The following RFX4 variants were observed in gnomAD, a reference collection of about 807,000 sequenced individuals.
The protein encoded by RFX4 is transcription factor RFX4.
Under a neutral mutation model 95.0 loss-of-function variants are expected in RFX4, and 10 were observed. That is an observed-to-expected ratio of 0.11 (90% CI 0.06 to 0.18). The LOEUF is 0.18. RFX4 is among the 10% of genes least tolerant of loss of function. The pLI is 1.00. For missense variants in RFX4, 640 were observed against 922.0 expected (o/e 0.69, Z 3.96); for synonymous variants, 321 against 340.7 (o/e 0.94, Z 0.64).
chr12:106,752,100 G>A (rs2043018201), intron 17 of RFX4, among the ~76,000 whole-genome samples: 13 of 149,022 alleles, frequency 8.7e-5, no homozygotes, highest in South Asian at 2.2e-4. Flanking sequence ...AATCCATCTT[G>A]AATTGATTTT....
intron 15 of RFX4, among the ~76,000 whole-genome samples, chr12:106,737,140 C>A (rs2042722582): frequency 8.3e-6 from 1 of 121,084 alleles, no homozygotes; most frequent in African/African-American, 3.1e-5. Context: ...AGGACTGTTT[C>A]CAGAATAGAC....
intron 1 of RFX4, among the ~76,000 whole-genome samples, chr12:106,604,244 C>T (rs1185680984): frequency 6.6e-6 from 1 of 151,780 alleles, no homozygotes; most frequent in Non-Finnish European, 1.5e-5. Flanking sequence ...CCTCAGCCTC[C>T]TGCGTAGCTG....
intron 7 of RFX4, among the ~76,000 whole-genome samples, chr12:106,693,441 G>C (rs1000575542): frequency 1.3e-5 from 2 of 152,126 alleles, no homozygotes; most frequent in African/African-American, 4.8e-5. Flanking sequence ...GAAATTGACT[G>C]CTCATATAAA....
Position 106,720,675 on chromosome 12 carries a change from C to T in RFX4, c.1234-84C>T, listed in dbSNP as rs1459572278. ...GTGCTGGGATTACAGGCGTGAGCCA[C>T]TTCAACCGGCCTCATTTTTCAAAGA... is the stretch of plus-strand genomic sequence containing the variant. On this transcript the variant is annotated intron_variant, in intron 12 of 17. Coordinates refer to ENST00000392842, the MANE Select transcript of RFX4 (RefSeq NM_213594.3). This position sits in a 1 kb window ranked among gnomAD's most constrained non-coding sequence, Gnocchi z 4.2. 20 of 1,376,752 alleles carry T rather than the reference C, an allele frequency of 1.5e-5. No individual in the cohort carries two copies. In the East Asian group the frequency reaches 4.6e-4, roughly 32 times the overall value. The allele number at this position is 1,376,752 out of a possible 1,614,324, so 85.3% of individuals were successfully genotyped here. A position where few individuals can be genotyped will look rare whatever the true frequency, so the allele number is the denominator to read the frequency against.
At chr12:106,667,288 C>T (rs1353145172) in intron 4 of RFX4, among the ~76,000 whole-genome samples, 1 of 152,158 alleles carries the variant, frequency 6.6e-6, no homozygotes, top group South Asian at 2.1e-4. Flanking sequence ...TGGGTATTTC[C>T]CTTCTCCCAA....
In RFX4 at chr12:106,747,442, A is replaced by T; in HGVS notation, c.1639A>T (p.Met547Leu). The T allele has an allele frequency of 3.7e-6, 6 of 1,613,998 alleles. No individual in the cohort carries two copies. Among genetic ancestry groups the T allele is most frequent in the Non-Finnish European group, 5.1e-6 (6 of 1,179,884 alleles). Residue 547 changes from methionine (M) to leucine (L), a missense_variant, in exon 16 of 18, where the codon ATG becomes TTG. Coordinates refer to ENST00000392842, the MANE Select transcript of RFX4 (RefSeq NM_213594.3). ...GTCTTAATTTGTCTCTGCAGGAGCA[A>T]TGCAGTCTTACACGTGGTCTCTAAC... is the stretch of plus-strand genomic sequence containing the variant. ...EYTGLSTTGA[M>L]QSYTWSLTYT... is the part of the protein sequence containing the mutation.
At chr12:106,682,658 A>T (rs2041540660) in intron 5 of RFX4, 1 of 152,352 alleles carries the variant, frequency 6.6e-6, no homozygotes, top group African/African-American at 2.4e-5. Context: ...GAAACAGACA[A>T]AACAGAGAAT....
At chr12:106,735,404 G>C (rs898533961) in intron 15 of RFX4, among the ~76,000 whole-genome samples, 4 of 151,982 alleles carry the variant, frequency 2.6e-5, no homozygotes, top group African/African-American at 4.8e-5. Flanking sequence ...TAAAGACAAG[G>C]CTTTTTAGAC....
chr12:106,730,024 G>A (rs2042581836), intron 13 of RFX4, among the ~76,000 whole-genome samples: 1 of 152,164 alleles, frequency 6.6e-6, no homozygotes, highest in Non-Finnish European at 1.5e-5. Flanking sequence ...AGGATGTGAA[G>A]GAGGTGCAGG....
intron 2 of RFX4, among the ~76,000 whole-genome samples, chr12:106,625,467 A>G (rs1184236805): frequency 6.6e-6 from 1 of 152,214 alleles, no homozygotes; most frequent in Non-Finnish European, 1.5e-5. Context: ...TCCAATCTAA[A>G]CAATTGCATT....
Position 106,583,047 on chromosome 12 carries a change from A to AGTGTCCCCT in RFX4, c.-273_-265dup, listed in dbSNP as rs1219775744. ...TTGGCTTTGCCCGGCTGGATTACTG[A>AGTGTCCCCT]GTGTCCCCTTGCTCGCTCGCTTTTT... On this transcript the variant is annotated 5_prime_UTR_variant, in exon 1 of 18. Transcript: ENST00000392842. The AGTGTCCCCT allele has an allele frequency of 9.9e-6, 4 of 405,656 alleles. No individual in the cohort carries two copies. The highest frequency in any genetic ancestry group is 1.7e-5 in the Non-Finnish European group (4 of 230,948). 25.1% of individuals were successfully genotyped at this position (405,656 alleles called of 1,614,324 possible). A position where few individuals can be genotyped will look rare whatever the true frequency, so the allele number is the denominator to read the frequency against.
intron 17 of RFX4, among the ~76,000 whole-genome samples, chr12:106,751,463 G>A (rs952565911): frequency 6.6e-6 from 1 of 151,614 alleles, no homozygotes; most frequent in Admixed American, 6.6e-5. Context: ...GTAATGGGAT[G>A]GCTGGGTCAA....
chr12:106,681,817 A>G (rs2041521267), intron 4 of RFX4, among the ~76,000 whole-genome samples, 176 bp from the exon 5 acceptor site: 1 of 152,074 alleles, frequency 6.6e-6, no homozygotes, highest in Non-Finnish European at 1.5e-5. Context: ...ACAACCATCC[A>G]AGCACTCCCC....
chr12:106,621,793 T>C (rs2040191492), intron 2 of RFX4, among the ~76,000 whole-genome samples: 1 of 152,214 alleles, frequency 6.6e-6, no homozygotes, highest in African/African-American at 2.4e-5. Context: ...TGTAGCAATT[T>C]GGAAAGATCT....
At chr12:106,737,162 GTTTTTTTTTTTTTTTTTTTTTTTTTTTT>G (rs556116618) in intron 15 of RFX4, among the ~76,000 whole-genome samples, 3 of 54,890 alleles carry the variant, frequency 5.5e-5, no homozygotes, top group African/African-American at 1.9e-4. Flanking sequence ...CGGAACTAAA[GTTTTTTTTTTTTTTTTTTTTTTTTTTTT>G]TTTTTTTTTT....
chr12:106,746,129 G>A (rs573752787), intron 15 of RFX4, among the ~76,000 whole-genome samples: 60 of 152,196 alleles, frequency 3.9e-4, no homozygotes, highest in African/African-American at 1.3e-3. Context: ...AGGCAAAGGC[G>A]GGTGGGTCAC....
intron 15 of RFX4, among the ~76,000 whole-genome samples, chr12:106,746,264 G>GT (rs913331906): frequency 6.6e-6 from 1 of 151,296 alleles, no homozygotes; most frequent in African/African-American, 2.4e-5. Context: ...GCTGAGGCCG[G>GT]AGAATCACTC....
intron 4 of RFX4, among the ~76,000 whole-genome samples, chr12:106,667,801 T>A (rs1047374435): frequency 1.3e-5 from 2 of 152,180 alleles, no homozygotes; most frequent in African/African-American, 4.8e-5. Context: ...TAGGATGGAG[T>A]GGTGACTTCA....
intron 1 of RFX4, among the ~76,000 whole-genome samples, chr12:106,600,296 A>G (rs1592835758): frequency 6.6e-6 from 1 of 151,836 alleles, no homozygotes; most frequent in African/African-American, 2.4e-5. Context: ...CTCCCTCTCT[A>G]CCTGGTTCAT....
Sources: gnomAD v4.1 joint callset for allele counts (sites outside exome capture counted in the v4.1 genomes callset) on GRCh38, gnomAD v4.1.1 for gene constraint, Gnocchi (gnomAD v3.1) non-coding constraint, MANE v1.5 for transcripts, NCBI Gene and HGNC (gene_info 2026-07-23, HGNC 2026-07-21) for gene names.